ALPK3: variants seen among roughly 807,000 people sequenced by gnomAD.
ALPK3 encodes the protein alpha kinase 3, also known as alpha-protein kinase 3.
In ALPK3, 102 loss-of-function variants were observed where a neutral mutation model predicts 140.0. That is an observed-to-expected ratio of 0.73 (90% CI 0.62 to 0.86). ALPK3 has a LOEUF of 0.86. ALPK3 is among the 40% of genes least tolerant of loss of function. The pLI, the probability that ALPK3 is intolerant of heterozygous loss-of-function variation, is 0.00. For missense variants in ALPK3, 2,254 were observed against 2,208.2 expected (o/e 1.02, Z -0.42); for synonymous variants, 938 against 898.5 (o/e 1.04, Z -0.79).
chr15:84,872,077 G>A lies in ALPK3; in HGVS notation c.*3621G>A, dbSNP rs1964079449. The A allele has an allele frequency of 6.6e-6, 1 of 152,290 alleles. No individual in the cohort carries two copies. The highest frequency in any genetic ancestry group is 1.5e-5 in the Non-Finnish European group (1 of 68,086). 9.4% of individuals were successfully genotyped at this position (152,290 alleles called of 1,614,324 possible). A position where few individuals can be genotyped will look rare whatever the true frequency, so the allele number is the denominator to read the frequency against. Reference sequence around the variant, plus strand: ...ACCCACTGGTGCCTTCAGAGCCTTAGCCTGGAGCGACAGTGTACCGTTGAT... The same window carrying A: ...ACCCACTGGTGCCTTCAGAGCCTTAACCTGGAGCGACAGTGTACCGTTGAT... On this transcript the variant is annotated 3_prime_UTR_variant, in exon 14 of 14. Transcript: ENST00000258888.
chr15:84,858,005 TGA>T lies in ALPK3; in HGVS notation c.3269_3270del (p.Glu1090GlyfsTer2). 1 of 1,595,910 alleles carries T rather than the reference TGA, an allele frequency of 6.3e-7. No individual in the cohort carries two copies. The highest frequency in any genetic ancestry group is 8.5e-7 in the Non-Finnish European group (1 of 1,171,556). On this transcript the variant is annotated frameshift_variant, in exon 6 of 14. Coordinates refer to ENST00000258888, the MANE Select transcript of ALPK3 (RefSeq NM_020778.5). LOFTEE classifies it high-confidence loss of function. ...CTGGGCTGGCCTCAGAAGGAGCCAG[TGA>T]GGGTGAAGGAGAGGTTTCCCCTGAG... ...DPGLASEGAS[E>X]GEGEVSPEGP...
In ALPK3 at chr15:84,840,493, C is replaced by G; in HGVS notation, c.1214C>G (p.Pro405Arg). The change falls in exon 5 of 14, where the codon CCA (proline) becomes CGA (arginine). Residue 405 changes from proline (P) to arginine (R), a missense_variant. Physicochemically the swap from Pro to Arg is moderately radical, Grantham distance 103. Transcript: ENST00000258888. ...GACAAGGCCCAGAAGGCCCCTGGCCCAGGCCCAGGCCAGGAAGTGTATTTC... is the reference window on the plus strand; with the variant it reads ...GACAAGGCCCAGAAGGCCCCTGGCCGAGGCCCAGGCCAGGAAGTGTATTTC... ...TPDKAQKAPG[P>R]GPGQEVYFSL... 6.2e-7 allele frequency: 1 copy of G among 1,613,110 alleles called. No individual in the cohort carries two copies. Among genetic ancestry groups the G allele is most frequent in the East Asian group, 2.2e-5 (1 of 44,860 alleles).
At chr15:84,819,057 G>T (rs1278023458) in intron 1 of ALPK3, among the ~76,000 whole-genome samples, 3 of 152,218 alleles carry the variant, frequency 2.0e-5, no homozygotes, top group Admixed American at 2.0e-4. Flanking sequence ...AGGGAGGAAA[G>T]AGTGCCTTGA....
At position 84,856,653 on chromosome 15, in the gene ALPK3, A is replaced by G; in HGVS notation, c.1915A>G (p.Thr639Ala). Residue 639 changes from threonine to alanine, a missense_variant, in exon 6 of 14, where the codon ACG becomes GCG. Coordinates refer to ENST00000258888, the MANE Select transcript of ALPK3 (RefSeq NM_020778.5). Reference protein sequence around the residue: ...TAQRTRADRKTQVDAGTQESK... With the variant: ...TAQRTRADRKAQVDAGTQESK... ...CCAGAGGACACGTGCAGATAGGAAG[A>G]CGCAGGTGGATGCTGGGACACAAGA... 6.2e-7 allele frequency: 1 copy of G among 1,614,096 alleles called. No individual in the cohort carries two copies. The highest frequency in any genetic ancestry group is 8.5e-7 in the Non-Finnish European group (1 of 1,180,026).
At chr15:84,830,992 T>A (rs1183287391) in intron 3 of ALPK3, among the ~76,000 whole-genome samples, 2 of 152,172 alleles carry the variant, frequency 1.3e-5, no homozygotes, top group African/African-American at 4.8e-5. Context: ...GGGATTATAG[T>A]AGGCATGAGT....
At chr15:84,817,807 C>G (rs1963378257) in intron 1 of ALPK3, among the ~76,000 whole-genome samples, 1 of 152,190 alleles carries the variant, frequency 6.6e-6, no homozygotes, top group South Asian at 2.1e-4. Context: ...AGGCCTCTGG[C>G]AATTCGAGGC....
At chr15:84,829,047 A>T (rs1463055842) in intron 3 of ALPK3, among the ~76,000 whole-genome samples, 1 of 152,250 alleles carries the variant, frequency 6.6e-6, no homozygotes, top group Non-Finnish European at 1.5e-5. Flanking sequence ...AAATATATGC[A>T]CATAATTAAG....
Position 84,871,768 on chromosome 15 carries a change from G to C in ALPK3, c.*3312G>C, listed in dbSNP as rs935892537. Reference sequence around the variant, plus strand: ...TCAAGACAGCTGCTGCTGGTTTGTGGGTTCCTGACAAGATGAGTGAATGCC... The same window carrying C: ...TCAAGACAGCTGCTGCTGGTTTGTGCGTTCCTGACAAGATGAGTGAATGCC... On this transcript the variant is annotated 3_prime_UTR_variant, in exon 14 of 14. Coordinates refer to ENST00000258888, the MANE Select transcript of ALPK3 (RefSeq NM_020778.5). 6.6e-6 allele frequency: 1 copy of C among 152,244 alleles called. No individual in the cohort carries two copies. The highest frequency in any genetic ancestry group is 1.5e-5 in the Non-Finnish European group (1 of 68,064). The allele number at this position is 152,244 out of a possible 1,614,324, so 9.4% of individuals were successfully genotyped here.
In ALPK3 at chr15:84,857,236, A is replaced by T. The variant is rs761421251; in HGVS notation, c.2498A>T (p.Asp833Val). ...SSGPVEAKQE[D>V]SPFQCPKEER... ...GGCCCAGTCGAGGCCAAGCAGGAGG[A>T]CAGCCCGTTCCAGTGCCCCAAGGAG... is the stretch of plus-strand genomic sequence containing the variant. Residue 833 changes from aspartate to valine, a missense_variant, in exon 6 of 14, where the codon GAC becomes GTC. Physicochemically the swap from Asp to Val is radical, Grantham distance 152. Coordinates refer to ENST00000258888, the MANE Select transcript of ALPK3 (RefSeq NM_020778.5). The T allele has an allele frequency of 6.2e-7, 1 of 1,613,878 alleles. No individual in the cohort carries two copies. Among genetic ancestry groups the T allele is most frequent in the Non-Finnish European group, 8.5e-7 (1 of 1,179,928 alleles).
Position 84,840,420 on chromosome 15 carries a change from T to G in ALPK3, c.1141T>G (p.Ser381Ala), listed in dbSNP as rs1411159240. The change falls in exon 5 of 14, where the codon TCT (serine) becomes GCT (alanine). Residue 381 changes from serine (S) to alanine (A), a missense_variant. By Grantham distance (99) the Ser-to-Ala change is moderately conservative. Transcript: ENST00000258888. ...RGRAARGPGS[S>A]GTDSTRKPAS... ...CAGGGCTGCACGGGGGCCTGGGTCC[T>G]CTGGCACAGATAGTACCAGGAAGCC... 4 of 1,613,882 alleles carry G rather than the reference T, an allele frequency of 2.5e-6. No individual in the cohort carries two copies. The highest frequency in any genetic ancestry group is 3.4e-6 in the Non-Finnish European group (4 of 1,179,904).
rs144798232 is a variant in ALPK3, at chr15:84,850,879, T to TATACAC, written c.1654-5512_1654-5511insTACACA. ...TCATATCTTTACACAGTTCCAGATATACACACACACACACACACACACACA... is the reference window on the plus strand; with the variant it reads ...TCATATCTTTACACAGTTCCAGATATATACACACACACACACACACACACACACACA... On this transcript the variant is annotated intron_variant, in intron 5 of 13. Coordinates refer to ENST00000258888, the MANE Select transcript of ALPK3 (RefSeq NM_020778.5). 5.9e-3 allele frequency among the ~76,000 whole-genome samples: 842 copies of TATACAC among 142,452 alleles called. 6 individuals carry two copies. The highest frequency in any genetic ancestry group is 0.018 in the African/African-American group (651 of 37,132). 93.5% of individuals were successfully genotyped at this position (142,452 alleles called of 152,430 possible).
chr15:84,852,093 C>T (rs1963810740), intron 5 of ALPK3, among the ~76,000 whole-genome samples: 1 of 152,162 alleles, frequency 6.6e-6, no homozygotes, highest in African/African-American at 2.4e-5. Context: ...CCTATACATA[C>T]ACACCTATTA....
Position 84,858,254 on chromosome 15 carries a change from C to G in ALPK3, c.3516C>G (p.Val1172=), listed in dbSNP as rs572144638. 86 of 1,604,162 alleles carry G rather than the reference C, an allele frequency of 5.4e-5. 1 individual carries two copies. The South Asian group carries it at 9.3e-4, about 17-fold the overall frequency. The part of the protein sequence containing the change: ...GARRKRFLPK[V]RAAGDGEATT... The stretch of plus-strand genomic sequence containing the variant: ...GGAGGAAGAGATTTCTCCCTAAGGT[C>G]AGAGCAGCAGGAGACGGGGAGGCAA... The change falls in exon 6 of 14, where the codon GTC becomes GTG. Residue 1172 remains valine, a synonymous_variant. Coordinates refer to ENST00000258888, the MANE Select transcript of ALPK3 (RefSeq NM_020778.5).
At chr15:84,838,942 T>C in intron 3 of ALPK3, 38 bp from the exon 4 acceptor site, 1 of 1,578,860 alleles carries the variant, frequency 6.3e-7, no homozygotes, top group East Asian at 2.2e-5. Context: ...ATTTTGGAAC[T>C]GGCCTTGCTG....
chr15:84,858,683 G>A (rs1231147964), intron 6 of ALPK3, 128 bp downstream of exon 6: 2 of 1,347,184 alleles, frequency 1.5e-6, no homozygotes, highest in South Asian at 1.6e-5. Flanking sequence ...AAATTACCTT[G>A]GTAAAGGTAC....
At chr15:84,842,883 C>T (rs1056979848) in intron 5 of ALPK3, among the ~76,000 whole-genome samples, 2 of 152,300 alleles carry the variant, frequency 1.3e-5, no homozygotes, top group East Asian at 3.9e-4. Flanking sequence ...GGCTGCTGCA[C>T]ATGCCTGACA....
At chr15:84,838,194 A>G (rs1320451673) in intron 3 of ALPK3, among the ~76,000 whole-genome samples, 2 of 152,204 alleles carry the variant, frequency 1.3e-5, no homozygotes, top group Non-Finnish European at 2.9e-5. Context: ...TGCTTTAGCC[A>G]TGTTTTCAAA....
intron 3 of ALPK3, among the ~76,000 whole-genome samples, chr15:84,834,880 T>C (rs895646971): frequency 6.6e-6 from 1 of 152,222 alleles, no homozygotes; most frequent in African/African-American, 2.4e-5. Context: ...CATTTTAGGA[T>C]ATAGTTCACA....
chr15:84,849,383 A>G (rs762745832), intron 5 of ALPK3, among the ~76,000 whole-genome samples: 4 of 152,228 alleles, frequency 2.6e-5, no homozygotes, highest in Non-Finnish European at 5.9e-5. Context: ...CAGTAAGGAT[A>G]TAAAAGAACT....
Sources: gnomAD v4.1 joint callset for allele counts (sites outside exome capture counted in the v4.1 genomes callset) on GRCh38, gnomAD v4.1.1 for gene constraint, MANE v1.5 for transcripts, NCBI Gene and HGNC (gene_info 2026-07-23, HGNC 2026-07-21) for gene names.